The following ATRN variants were observed in gnomAD, a reference collection of about 807,000 sequenced individuals.
ATRN encodes the protein attractin-2.
A neutral mutation model predicts 178.7 loss-of-function variants in ATRN; 54 were observed. The ratio of observed to expected loss-of-function variants is 0.30; its 90% CI spans 0.24 to 0.38. ATRN has a LOEUF of 0.38. Among genes scored for constraint, ATRN ranks in the 10% least tolerant of loss-of-function variants. The probability of loss-of-function intolerance (pLI) is 1.00; values close to 1 mark genes in which losing one functional copy is unlikely to be tolerated. For synonymous variants in ATRN, 636 were observed against 663.0 expected, an observed-to-expected ratio of 0.96 and a Z score of 0.63; for missense variants, 1,443 against 1,815.1, an observed-to-expected ratio of 0.79 and a Z score of 3.73.
chr20:3,568,933 G>A (rs759753747), intron 11 of ATRN, among the ~76,000 whole-genome samples: 17 of 152,042 alleles, frequency 1.1e-4, no homozygotes, highest in Non-Finnish European at 2.1e-4. Flanking sequence ...ATAAAACATG[G>A]CACTAGATAC....
In ATRN at chr20:3,649,027, AAT is replaced by A. The variant is rs1480361341; in HGVS notation, c.*2181_*2182del. 5 of 152,230 alleles carry A rather than the reference AAT, an allele frequency of 3.3e-5. No homozygotes were observed. The highest frequency in any genetic ancestry group is 7.3e-5 in the Non-Finnish European group (5 of 68,054). The allele number at this position is 152,230 out of a possible 1,614,324, so 9.4% of individuals were successfully genotyped here. On this transcript the variant is annotated 3_prime_UTR_variant, in exon 29 of 29. Coordinates refer to ENST00000262919, the MANE Select transcript of ATRN (RefSeq NM_139321.3). ...ATGTCTTATTTTTTTCCTAAAAGAT[AAT>A]GTTTATTTTTAAAAAGGAAGGAAGG...
chr20:3,546,089 G>A (rs1410740746), intron 4 of ATRN, among the ~76,000 whole-genome samples, 199 bp downstream of exon 4: 3 of 152,168 alleles, frequency 2.0e-5, no homozygotes, highest in Admixed American at 6.5e-5. Flanking sequence ...GAGGAAACTG[G>A]CAGGAAAAGG....
chr20:3,567,743 A>G (rs2086056522), intron 11 of ATRN, among the ~76,000 whole-genome samples: 1 of 152,140 alleles, frequency 6.6e-6, no homozygotes, highest in Admixed American at 6.6e-5. Flanking sequence ...GGGAGGCAGG[A>G]AGGAGGAGGA....
chr20:3,493,036 A>T (rs1379614350), intron 1 of ATRN, among the ~76,000 whole-genome samples: 3 of 146,714 alleles, frequency 2.0e-5, no homozygotes, highest in African/African-American at 7.4e-5. Context: ...TAATTATATA[A>T]AATATATAAT....
chr20:3,478,757 C>A (rs1170993869), intron 1 of ATRN, among the ~76,000 whole-genome samples: 1 of 151,996 alleles, frequency 6.6e-6, no homozygotes, highest in Non-Finnish European at 1.5e-5. Context: ...AGAAGGATCC[C>A]ATTCCTTTCA....
chr20:3,641,112 G>A (rs1332845724), intron 27 of ATRN, among the ~76,000 whole-genome samples: 1 of 152,168 alleles, frequency 6.6e-6, no homozygotes, highest in Admixed American at 6.5e-5. Flanking sequence ...TGGGAGAAGG[G>A]GAAAATGGGG....
chr20:3,620,153 A>G (rs979811147), intron 24 of ATRN, among the ~76,000 whole-genome samples: 3 of 148,210 alleles, frequency 2.0e-5, no homozygotes, highest in Non-Finnish European at 4.5e-5. Flanking sequence ...AAAGGCGAGG[A>G]TTTTTTTTTT....
At chr20:3,590,171 G>C (rs905301713) in intron 18 of ATRN, among the ~76,000 whole-genome samples, 1 of 152,102 alleles carries the variant, frequency 6.6e-6, no homozygotes, top group Non-Finnish European at 1.5e-5. Flanking sequence ...GGCTGATCTC[G>C]AACTCCTGAC....
chr20:3,552,564 C>G (rs957541457), intron 6 of ATRN, among the ~76,000 whole-genome samples: 1 of 152,226 alleles, frequency 6.6e-6, no homozygotes, highest in Non-Finnish European at 1.5e-5. Flanking sequence ...TAACAAATTA[C>G]CACAAACTTA....
At position 3,632,537 on chromosome 20, in the gene ATRN, G is replaced by T. The variant is rs2086996856; in HGVS notation, c.3864-1774G>T. ...TGCTCCTTTTTCCAGATGCACTTTT[G>T]CAGGCGTCCATGAGCCACCTCCCAT... On this transcript the variant is annotated intron_variant, in intron 25 of 28. Coordinates refer to ENST00000262919, the MANE Select transcript of ATRN (RefSeq NM_139321.3). The surrounding 1 kb of genome is among the most constrained non-coding windows in gnomAD (Gnocchi z 4.2). Among the ~76,000 whole-genome samples, 2 of 152,198 alleles carry T rather than the reference G, an allele frequency of 1.3e-5. No individual in the cohort carries two copies. The highest frequency in any genetic ancestry group is 6.5e-5 in the Admixed American group (1 of 15,286).
intron 1 of ATRN, among the ~76,000 whole-genome samples, chr20:3,513,893 TTGTC>T (rs1166425930): frequency 2.8e-4 from 42 of 152,250 alleles, no homozygotes; most frequent in Admixed American, 2.2e-3. Flanking sequence ...GGCTCTCTGT[TTGTC>T]TGTTATTGGT....
At position 3,576,719 on chromosome 20, in the gene ATRN, A is replaced by T; in HGVS notation, c.2215-140A>T. On this transcript the variant is annotated intron_variant, in intron 13 of 28. Transcript: ENST00000262919. ...TGTCTATCTATCTATCTATCTATCTATCTATCTATCTATCTGTCTATCTAT... is the reference window on the plus strand; with the variant it reads ...TGTCTATCTATCTATCTATCTATCTTTCTATCTATCTATCTGTCTATCTAT... 4 of 668,784 alleles carry T rather than the reference A, an allele frequency of 6.0e-6. No individual in the cohort carries two copies. In the South Asian group the frequency reaches 7.4e-5, roughly 12 times the overall value. 41.4% of individuals were successfully genotyped at this position (668,784 alleles called of 1,614,324 possible). A position where few individuals can be genotyped will look rare whatever the true frequency, so the allele number is the denominator to read the frequency against.
intron 1 of ATRN, among the ~76,000 whole-genome samples, chr20:3,503,505 C>G (rs1306121031): frequency 6.6e-6 from 1 of 151,664 alleles, no homozygotes; most frequent in Non-Finnish European, 1.5e-5. Context: ...AAAATCTCAG[C>G]AAAGAGCCAT....
rs117589114 is a variant in ATRN, at chr20:3,643,151, C to T, written c.4051-1003C>T. Reference sequence around the variant, plus strand: ...TGAATGCATTTCAAAGCAGAGTCTTCCCCAGAGTCTCCAACTAAGAGTCCC... The same window carrying T: ...TGAATGCATTTCAAAGCAGAGTCTTTCCCAGAGTCTCCAACTAAGAGTCCC... On this transcript the variant is annotated intron_variant, in intron 27 of 28. Coordinates refer to ENST00000262919, the MANE Select transcript of ATRN (RefSeq NM_139321.3). Among the ~76,000 whole-genome samples the T allele has an allele frequency of 1.6e-4, 25 of 152,212 alleles. No homozygotes were observed. The East Asian group carries it at 1.9e-3, about 12-fold the overall frequency.
chr20:3,543,847 A>G (rs2087053748), intron 3 of ATRN, among the ~76,000 whole-genome samples: 1 of 152,188 alleles, frequency 6.6e-6, no homozygotes, highest in South Asian at 2.1e-4. Flanking sequence ...AGCCTGGGCA[A>G]CAGGGTGAGA....
intron 2 of ATRN, among the ~76,000 whole-genome samples, chr20:3,536,247 G>T (rs1371287348): frequency 2.6e-5 from 4 of 151,576 alleles, no homozygotes; most frequent in African/African-American, 9.7e-5. Context: ...CTCGCTCTGT[G>T]GCCCAGGCTG....
At chr20:3,628,749 T>C (rs1226115256) in intron 25 of ATRN, among the ~76,000 whole-genome samples, 1 of 151,932 alleles carries the variant, frequency 6.6e-6, no homozygotes, top group African/African-American at 2.4e-5. Context: ...GGTTCTCCTC[T>C]TCTTGACTTC....
At chr20:3,517,443 GC>G (rs1479387839) in intron 1 of ATRN, among the ~76,000 whole-genome samples, 23 of 151,816 alleles carry the variant, frequency 1.5e-4, no homozygotes, top group African/African-American at 5.3e-4. Context: ...CAAATTTTCT[GC>G]ACTGACCATG....
chr20:3,613,191 C>T (rs1344024500), intron 24 of ATRN, among the ~76,000 whole-genome samples: 1 of 152,190 alleles, frequency 6.6e-6, no homozygotes, highest in Non-Finnish European at 1.5e-5. Flanking sequence ...TAAACGATGG[C>T]ATGCCCACCA....
Sources: allele counts gnomAD v4.1 joint callset (sites outside exome capture counted in the v4.1 genomes callset), GRCh38; gene constraint gnomAD v4.1.1; non-coding constraint Gnocchi (gnomAD v3.1); transcripts MANE v1.5; gene names NCBI Gene and HGNC (gene_info 2026-07-23, HGNC 2026-07-21).